The following TMEM265 variants were observed in gnomAD, a reference collection of about 807,000 sequenced individuals.
TMEM265 encodes transmembrane protein 265.
Under a neutral mutation model 9.5 loss-of-function variants are expected in TMEM265, and 8 were observed. The observed-to-expected ratio is 0.84, with a 90% CI of 0.49 to 1.52. TMEM265 has a LOEUF of 1.52. Ranked by LOEUF, TMEM265 falls within the 40% of genes most tolerant of loss-of-function variation. The pLI, the probability that TMEM265 is intolerant of heterozygous loss-of-function variation, is 0.00. For missense variants in TMEM265, 152 were observed against 146.2 expected (o/e 1.04, Z -0.21); for synonymous variants, 53 against 56.9 (o/e 0.93, Z 0.31).
chr16:30,743,802 A>T lies in TMEM265; in HGVS notation c.186A>T (p.Ala62=). ...FAIKAEERHK[A]GRSEEAVRWG... is the part of the protein sequence containing the mutation. ...CACAGGCGGAAGAGCGGCATAAAGC[A>T]GGCCGGTCCGAGGAGGCAGTGCGCT... Residue 62 remains alanine (A), a synonymous_variant, in exon 3 of 3, where the codon GCA becomes GCT. Transcript: ENST00000615541. The T allele has an allele frequency of 6.5e-7, 1 of 1,532,772 alleles. No individual in the cohort carries two copies. The highest frequency in any genetic ancestry group is 8.7e-7 in the Non-Finnish European group (1 of 1,146,086). The allele number at this position is 1,532,772 out of a possible 1,614,324, so 94.9% of individuals were successfully genotyped here. A position where few individuals can be genotyped will look rare whatever the true frequency, so the allele number is the denominator to read the frequency against.
chr16:30,743,655 G>A (rs1044873842), intron 2 of TMEM265, 127 bp from the exon 3 acceptor site: 2 of 1,179,428 alleles, frequency 1.7e-6, no homozygotes, highest in African/African-American at 3.1e-5. Flanking sequence ...ATCAGAAACT[G>A]GAAAGGGAGG....
At position 30,744,897 on chromosome 16, in the gene TMEM265, A is replaced by C. The variant is rs574293708; in HGVS notation, c.*954A>C. On this transcript the variant is annotated 3_prime_UTR_variant, in exon 3 of 3. Coordinates refer to ENST00000615541, the MANE Select transcript of TMEM265 (RefSeq NM_001256829.2). ...TTATCTTGGACCTCATAATATTTCAAATTTTTTTTAAAATTATGAAGTATA... is the reference window on the plus strand; with the variant it reads ...TTATCTTGGACCTCATAATATTTCACATTTTTTTTAAAATTATGAAGTATA... The C allele has an allele frequency of 6.6e-6, 1 of 152,202 alleles. No homozygotes were observed. Among genetic ancestry groups the C allele is most frequent in the Non-Finnish European group, 1.5e-5 (1 of 68,038 alleles). 9.4% of individuals were successfully genotyped at this position (152,202 alleles called of 1,614,324 possible). A position where few individuals can be genotyped will look rare whatever the true frequency, so the allele number is the denominator to read the frequency against.
In TMEM265 at chr16:30,744,728, G is replaced by A. The variant is rs954689280; in HGVS notation, c.*785G>A. Reference sequence around the variant, plus strand: ...TGAAGAAACAAACAGATTTGCACAAGGTCCTCAGCTACTAAATGGTAGAGC... The same window carrying A: ...TGAAGAAACAAACAGATTTGCACAAAGTCCTCAGCTACTAAATGGTAGAGC... On this transcript the variant is annotated 3_prime_UTR_variant, in exon 3 of 3. Transcript: ENST00000615541. The A allele has an allele frequency of 1.3e-5, 2 of 152,158 alleles. No homozygotes were observed. The highest frequency in any genetic ancestry group is 6.5e-5 in the Admixed American group (1 of 15,276). The allele number at this position is 152,158 out of a possible 1,614,324, so 9.4% of individuals were successfully genotyped here.
At chr16:30,742,949 AC>A (rs2053234518) in intron 2 of TMEM265, among the ~76,000 whole-genome samples, 2 of 151,486 alleles carry the variant, frequency 1.3e-5, no homozygotes, top group African/African-American at 4.9e-5. Context: ...ACAAAAAAAA[AC>A]AGCACATGTC....
rs2053244034 is a variant in TMEM265, at chr16:30,744,421, T to C, written c.*478T>C. 2 of 152,392 alleles carry C rather than the reference T, an allele frequency of 1.3e-5. No homozygotes were observed. The highest frequency in any genetic ancestry group is 1.3e-4 in the Admixed American group (2 of 15,286). The allele number at this position is 152,392 out of a possible 1,614,324, so 9.4% of individuals were successfully genotyped here. A position where few individuals can be genotyped will look rare whatever the true frequency, so the allele number is the denominator to read the frequency against. On this transcript the variant is annotated 3_prime_UTR_variant, in exon 3 of 3. Coordinates refer to ENST00000615541, the MANE Select transcript of TMEM265 (RefSeq NM_001256829.2). Reference sequence around the variant, plus strand: ...AAGGAAACAATTTTTATTTTCTTCTTCTGGAAGTTTCCCTTCTTGGAAAGA... The same window carrying C: ...AAGGAAACAATTTTTATTTTCTTCTCCTGGAAGTTTCCCTTCTTGGAAAGA...
At chr16:30,742,886 A>G (rs2053233737) in intron 2 of TMEM265, among the ~76,000 whole-genome samples, 1 of 148,374 alleles carries the variant, frequency 6.7e-6, no homozygotes, top group Non-Finnish European at 1.5e-5. Context: ...AGATCATGCC[A>G]CTGCACTCCA....
Sources: gnomAD v4.1 joint callset for allele counts (sites outside exome capture counted in the v4.1 genomes callset) on GRCh38, gnomAD v4.1.1 for gene constraint, MANE v1.5 for transcripts, NCBI Gene and HGNC (gene_info 2026-07-23, HGNC 2026-07-21) for gene names.